The following PTPN12 variants were observed in gnomAD, a reference collection of about 807,000 sequenced individuals.
The protein encoded by PTPN12 is tyrosine-protein phosphatase non-receptor type 12.
In PTPN12, 29 loss-of-function variants were observed where a neutral mutation model predicts 97.6. The observed-to-expected ratio is 0.30, with a 90% CI of 0.22 to 0.41. PTPN12 has a LOEUF of 0.41. Ranked by LOEUF, PTPN12 falls within the 10% of genes least tolerant of loss-of-function variation. The pLI is 1.00. For synonymous variants in PTPN12, 327 were observed against 300.4 expected (o/e 1.09, Z -0.91); for missense variants, 819 against 926.0 (o/e 0.88, Z 1.50).
At chr7:77,541,069 T>G (rs1042846808) in intron 1 of PTPN12, among the ~76,000 whole-genome samples, 3 of 152,096 alleles carry the variant, frequency 2.0e-5, no homozygotes, top group Non-Finnish European at 4.4e-5. Flanking sequence ...CTGTTAATAT[T>G]TTTTGGTTTT....
intron 12 of PTPN12, among the ~76,000 whole-genome samples, chr7:77,622,946 C>A: frequency 7.1e-6 from 1 of 141,446 alleles, no homozygotes; most frequent in Non-Finnish European, 1.6e-5. Flanking sequence ...AATTAGAAAG[C>A]AAAACTAGAA....
At chr7:77,613,890 GGTTTT>G (rs527268041) in intron 11 of PTPN12, among the ~76,000 whole-genome samples, 11 of 151,844 alleles carry the variant, frequency 7.2e-5, no homozygotes, top group Non-Finnish European at 1.5e-5. Context: ...TCAGTGTTTG[GGTTTT>G]GTTTTGTTTT....
intron 4 of PTPN12, among the ~76,000 whole-genome samples, chr7:77,584,684 T>C (rs1314407393): frequency 6.6e-6 from 1 of 152,152 alleles, no homozygotes; most frequent in Non-Finnish European, 1.5e-5. Flanking sequence ...GAGACCATCC[T>C]GGCTAACACG....
intron 8 of PTPN12, among the ~76,000 whole-genome samples, chr7:77,603,952 G>A (rs1451999742): frequency 1.5e-5 from 2 of 134,760 alleles, no homozygotes; most frequent in African/African-American, 5.8e-5. Flanking sequence ...GCAATGGCAC[G>A]ATCTCAGCTC....
At position 77,627,044 on chromosome 7, in the gene PTPN12, T is replaced by A. The variant is rs574788982; in HGVS notation, c.1365T>A (p.Leu455=). 1 of 1,613,224 alleles carries A rather than the reference T, an allele frequency of 6.2e-7. No homozygotes were observed. The highest frequency in any genetic ancestry group is 1.1e-5 in the South Asian group (1 of 91,032). Residue 455 remains leucine, a synonymous_variant, in exon 13 of 18, where the codon CTT becomes CTA. Transcript: ENST00000248594. ...EGPKSFDGNT[L]LNRGHAIKIK... is the part of the protein sequence containing the mutation. ...CAAAAAGTTTTGATGGGAACACACT[T>A]TTGAATAGGGGACATGCAATTAAAA...
chr7:77,585,702 T>C (rs947332022), intron 5 of PTPN12, 121 bp downstream of exon 5: 7 of 762,660 alleles, frequency 9.2e-6, no homozygotes, highest in Non-Finnish European at 1.4e-5. Flanking sequence ...GGGGTACTGC[T>C]GTTGCTTTTA....
intron 11 of PTPN12, among the ~76,000 whole-genome samples, chr7:77,616,016 C>G (rs1199320312): frequency 3.3e-5 from 5 of 152,178 alleles, no homozygotes; most frequent in Non-Finnish European, 7.3e-5. Context: ...CTCCCAGAAG[C>G]TCTCTTTTGG....
chr7:77,599,030 G>C (rs919688632), intron 7 of PTPN12, among the ~76,000 whole-genome samples: 3 of 150,928 alleles, frequency 2.0e-5, no homozygotes, highest in Non-Finnish European at 4.4e-5. Flanking sequence ...TTTTAGTTAC[G>C]AAGATGAAAT....
chr7:77,571,316 A>T, intron 2 of PTPN12, 130 bp downstream of exon 2: 1 of 600,952 alleles, frequency 1.7e-6, no homozygotes, highest in Non-Finnish European at 2.9e-6. Flanking sequence ...AAGTACATGG[A>T]AAGATAATAA....
chr7:77,626,181 C>T (rs774056874), intron 12 of PTPN12, among the ~76,000 whole-genome samples: 5 of 152,050 alleles, frequency 3.3e-5, no homozygotes, highest in Non-Finnish European at 7.4e-5. Context: ...GCTAAGCCAT[C>T]AGAAATCCAA....
chr7:77,594,364 C>G (rs1205481485), intron 6 of PTPN12, among the ~76,000 whole-genome samples: 1 of 152,154 alleles, frequency 6.6e-6, no homozygotes, highest in Non-Finnish European at 1.5e-5. Context: ...CCAATACACA[C>G]CACACTGTCT....
At chr7:77,599,464 A>G (rs750264281) in intron 7 of PTPN12, among the ~76,000 whole-genome samples, 1 of 151,674 alleles carries the variant, frequency 6.6e-6, no homozygotes, top group Non-Finnish European at 1.5e-5. Flanking sequence ...TAAATTTTTT[A>G]TAGTTTATAG....
At chr7:77,546,139 C>T (rs1018005096) in intron 1 of PTPN12, among the ~76,000 whole-genome samples, 2 of 151,904 alleles carry the variant, frequency 1.3e-5, no homozygotes, top group African/African-American at 4.8e-5. Flanking sequence ...ACCATGTTGG[C>T]CAGGATGGTC....
chr7:77,627,690 T>A lies in PTPN12; in HGVS notation c.1996+15T>A. ...TGCTGAAAAAGGTAATAATATAGTG[T>A]CAAATACTTAAATGTCTTTCCTATG... On this transcript the variant is annotated intron_variant, in intron 13 of 17. Coordinates refer to ENST00000248594, the MANE Select transcript of PTPN12 (RefSeq NM_002835.4). 6.5e-6 allele frequency: 10 copies of A among 1,531,330 alleles called. No individual in the cohort carries two copies. The highest frequency in any genetic ancestry group is 8.7e-6 in the Non-Finnish European group (10 of 1,144,888). 94.9% of individuals were successfully genotyped at this position (1,531,330 alleles called of 1,614,324 possible). A position where few individuals can be genotyped will look rare whatever the true frequency, so the allele number is the denominator to read the frequency against.
chr7:77,633,353 T>C (rs1210074207), intron 14 of PTPN12, among the ~76,000 whole-genome samples: 1 of 152,146 alleles, frequency 6.6e-6, no homozygotes, highest in Non-Finnish European at 1.5e-5. Context: ...CTCATGCCTG[T>C]AATCCTGCCA....
chr7:77,546,925 C>T (rs1209479717), intron 1 of PTPN12, among the ~76,000 whole-genome samples: 2 of 152,252 alleles, frequency 1.3e-5, no homozygotes, highest in African/African-American at 4.8e-5. Flanking sequence ...ATTATAATTA[C>T]ATAGGGATTA....
At chr7:77,539,383 T>C (rs1300249498) in intron 1 of PTPN12, among the ~76,000 whole-genome samples, 2 of 152,218 alleles carry the variant, frequency 1.3e-5, no homozygotes, top group Non-Finnish European at 2.9e-5. Context: ...TTGCTCTTGA[T>C]ATTTAGCCTA....
intron 9 of PTPN12, among the ~76,000 whole-genome samples, chr7:77,608,236 G>A (rs1419732664): frequency 6.6e-6 from 1 of 152,136 alleles, no homozygotes; most frequent in Non-Finnish European, 1.5e-5. Context: ...ATCCCATAGT[G>A]CCTCTATTTC....
At chr7:77,592,311 T>G (rs1787894060) in intron 6 of PTPN12, 55 bp downstream of exon 6, 1 of 1,340,876 alleles carries the variant, frequency 7.5e-7, no homozygotes, top group African/African-American at 1.5e-5. Flanking sequence ...GCTATACTGA[T>G]GAATAATTAA....
Sources: allele counts gnomAD v4.1 joint callset (sites outside exome capture counted in the v4.1 genomes callset), GRCh38; gene constraint gnomAD v4.1.1; transcripts MANE v1.5; gene names NCBI Gene and HGNC (gene_info 2026-07-23, HGNC 2026-07-21).